UBE2W: variants seen among roughly 807,000 people sequenced by gnomAD.
UBE2W encodes the protein ubiquitin conjugating enzyme E2 W.
A neutral mutation model predicts 27.2 loss-of-function variants in UBE2W; 18 were observed. That is an observed-to-expected ratio of 0.66 (90% CI 0.46 to 0.98). The LOEUF (loss-of-function observed/expected upper bound fraction) is 0.98. Among genes scored for constraint, UBE2W ranks in the 50% least tolerant of loss-of-function variants. The pLI is 0.00. For missense variants in UBE2W, 90 were observed against 180.2 expected, an observed-to-expected ratio of 0.50 and a Z score of 2.87; for synonymous variants, 53 against 57.2, an observed-to-expected ratio of 0.93 and a Z score of 0.33.
intron 1 of UBE2W, among the ~76,000 whole-genome samples, chr8:73,845,117 C>T (rs888527727): frequency 6.4e-5 from 9 of 141,082 alleles, no homozygotes; most frequent in Admixed American, 2.9e-4. Context: ...GCCTGGCCGC[C>T]GCCCCGTCTG....
intron 1 of UBE2W, among the ~76,000 whole-genome samples, chr8:73,866,711 T>C (rs1811789000): frequency 6.6e-6 from 1 of 152,138 alleles, no homozygotes; most frequent in Admixed American, 6.6e-5. Flanking sequence ...AATTAATTTT[T>C]GTGCTTCAAA....
chr8:73,781,924 GCCT>G (rs1807852311), downstream of UBE2W, among the ~76,000 whole-genome samples: 1 of 132,508 alleles, frequency 7.5e-6, no homozygotes, highest in African/African-American at 2.9e-5. Context: ...ATTACTAAAA[GCCT>G]CCTTTTTTTT....
At position 73,791,226 on chromosome 8, in the gene UBE2W, C is replaced by G. The variant is rs1170773497; in HGVS notation, c.*2876G>C. 1.0e-6 allele frequency: 1 copy of G among 982,066 alleles called. No homozygotes were observed. Among genetic ancestry groups the G allele is most frequent in the African/African-American group, 1.8e-5 (1 of 56,078 alleles). 60.8% of individuals were successfully genotyped at this position (982,066 alleles called of 1,614,324 possible). On this transcript the variant is annotated 3_prime_UTR_variant, in exon 6 of 6. Coordinates refer to ENST00000602593, the MANE Select transcript of UBE2W (RefSeq NM_018299.6). ...ATTCTCTTAAAAACTGAAAACAATC[C>G]TTCTCTCTAAACCTATGGCATTAAT...
At position 73,869,308 on chromosome 8, in the gene UBE2W, A is replaced by C. The variant is rs555943647; in HGVS notation, c.15+9500T>G. On this transcript the variant is annotated intron_variant, in intron 1 of 5. Coordinates refer to ENST00000602593, the MANE Select transcript of UBE2W (RefSeq NM_018299.6). ...CACAGTGGCTCATGCCTGTAATCCC[A>C]GCACTTTGTGAGGCCGAGGCGGGCG... 3.9e-5 allele frequency among the ~76,000 whole-genome samples: 6 copies of C among 152,368 alleles called. No individual in the cohort carries two copies. In the East Asian group the frequency reaches 1.2e-3, roughly 29 times the overall value.
chr8:73,878,436 G>A (rs1812333844), intron 1 of UBE2W, among the ~76,000 whole-genome samples: 1 of 152,234 alleles, frequency 6.6e-6, no homozygotes, highest in Non-Finnish European at 1.5e-5. Flanking sequence ...TTTCCGTCGG[G>A]CCAGGGACAG....
chr8:73,808,300 A>C (rs1485879286), intron 4 of UBE2W, among the ~76,000 whole-genome samples: 1 of 152,128 alleles, frequency 6.6e-6, no homozygotes, highest in African/African-American at 2.4e-5. Context: ...CAGTGGCGTG[A>C]TATCAGCTTA....
intron 1 of UBE2W, chr8:73,834,064 A>G (rs534196177): frequency 6.6e-6 from 1 of 152,360 alleles, no homozygotes; most frequent in Admixed American, 6.5e-5. Flanking sequence ...CTTAAAGTGA[A>G]GAAGACAAGT....
At chr8:73,824,487 C>A (rs1267900728) in intron 3 of UBE2W, among the ~76,000 whole-genome samples, 1 of 152,170 alleles carries the variant, frequency 6.6e-6, no homozygotes, top group Non-Finnish European at 1.5e-5. Flanking sequence ...GTGATTCTAC[C>A]ATCTGACCTA....
At chr8:73,860,112 A>C (rs1443846862) in intron 1 of UBE2W, among the ~76,000 whole-genome samples, 3 of 151,328 alleles carry the variant, frequency 2.0e-5, no homozygotes, top group Admixed American at 2.0e-4. Flanking sequence ...TACATACAGG[A>C]AGCTTAAGAA....
At chr8:73,850,903 A>G (rs1296975992) in intron 1 of UBE2W, among the ~76,000 whole-genome samples, 2 of 152,048 alleles carry the variant, frequency 1.3e-5, no homozygotes, top group Admixed American at 1.3e-4. Context: ...TCTGTTGCCC[A>G]GGCTGGAGTA....
chr8:73,807,659 T>C (rs1411887228), intron 4 of UBE2W, among the ~76,000 whole-genome samples: 5 of 152,230 alleles, frequency 3.3e-5, no homozygotes, highest in East Asian at 1.9e-4. Context: ...GTTAAATCTA[T>C]GTTCATATGG....
chr8:73,794,941 A>G (rs910555083), intron 5 of UBE2W, among the ~76,000 whole-genome samples: 2 of 152,080 alleles, frequency 1.3e-5, no homozygotes, highest in Admixed American at 1.3e-4. Context: ...TAAAAAACTC[A>G]TGAAATTATT....
intron 2 of UBE2W, among the ~76,000 whole-genome samples, chr8:73,829,400 A>G (rs1209574633): frequency 6.6e-6 from 1 of 152,164 alleles, no homozygotes; most frequent in Non-Finnish European, 1.5e-5. Context: ...ATGAAAAAAG[A>G]GTCAGTTTCA....
At chr8:73,877,328 T>C (rs1194525819) in intron 1 of UBE2W, among the ~76,000 whole-genome samples, 1 of 152,230 alleles carries the variant, frequency 6.6e-6, no homozygotes, top group African/African-American at 2.4e-5. Context: ...TAAAGTATAA[T>C]GTTTCCTGAA....
At position 73,791,267 on chromosome 8, in the gene UBE2W, G is replaced by GAAAAAAAAAAAAAAAAAA. The variant is rs1267971469; in HGVS notation, c.*2834_*2835insTTTTTTTTTTTTTTTTTT. 1 of 446,442 alleles carries GAAAAAAAAAAAAAAAAAA rather than the reference G, an allele frequency of 2.2e-6. No individual in the cohort carries two copies. Among genetic ancestry groups the GAAAAAAAAAAAAAAAAAA allele is most frequent in the Admixed American group, 1.2e-4 (1 of 8,010 alleles). The allele number at this position is 446,442 out of a possible 1,614,324, so 27.7% of individuals were successfully genotyped here. On this transcript the variant is annotated 3_prime_UTR_variant, in exon 6 of 6. Coordinates refer to ENST00000602593, the MANE Select transcript of UBE2W (RefSeq NM_018299.6). ...TGGCATTAATCCCTACTTGACCAAA[G>GAAAAAAAAAAAAAAAAAA]AAAAAAAAAAAAAAGAAGGGCATCA...
At chr8:73,801,581 TA>T (rs1808647138) in intron 5 of UBE2W, among the ~76,000 whole-genome samples, 2 of 152,236 alleles carry the variant, frequency 1.3e-5, no homozygotes. Context: ...TAAAAATAAC[TA>T]TGTTTGTCAA....
At chr8:73,784,345 C>T (rs191771727), downstream of UBE2W, among the ~76,000 whole-genome samples, 2 of 152,254 alleles carry the variant, frequency 1.3e-5, no homozygotes, top group East Asian at 3.9e-4. Context: ...TTCCTTGAGA[C>T]TCAGTAGGCA....
At chr8:73,827,159 C>T (rs898515384) in intron 2 of UBE2W, among the ~76,000 whole-genome samples, 1 of 152,156 alleles carries the variant, frequency 6.6e-6, no homozygotes, top group Non-Finnish European at 1.5e-5. Flanking sequence ...ATCTGCATGA[C>T]ATGCAGATAC....
intron 2 of UBE2W, among the ~76,000 whole-genome samples, chr8:73,827,875 G>GAT (rs1809916662): frequency 6.6e-6 from 1 of 152,070 alleles, no homozygotes; most frequent in Non-Finnish European, 1.5e-5. Context: ...AAAAAGTTAA[G>GAT]ATATGTTCAT....
Sources: allele counts gnomAD v4.1 joint callset (sites outside exome capture counted in the v4.1 genomes callset), GRCh38; gene constraint gnomAD v4.1.1; transcripts MANE v1.5; gene names NCBI Gene and HGNC (gene_info 2026-07-23, HGNC 2026-07-21).